The following OR2T11 variants were observed in gnomAD, a reference collection of about 807,000 sequenced individuals.
OR2T11 encodes olfactory receptor family 2 subfamily T member 11, also known as olfactory receptor 2T11.
A neutral mutation model predicts 13.5 loss-of-function variants in OR2T11; 14 were observed. That is an observed-to-expected ratio of 1.04 (90% CI 0.69 to 1.62). OR2T11 has a LOEUF of 1.62. Among genes scored for constraint, OR2T11 ranks in the 40% most tolerant of loss-of-function variants. The pLI is 0.00. For synonymous variants in OR2T11, 163 were observed against 154.6 expected, an observed-to-expected ratio of 1.05 and a Z score of -0.40; for missense variants, 410 against 389.7, an observed-to-expected ratio of 1.05 and a Z score of -0.44.
At chr1:248,627,842 ACT>A (rs1193438184) in intron 1 of OR2T11, among the ~76,000 whole-genome samples, 1 of 142,364 alleles carries the variant, frequency 7.0e-6, no homozygotes, top group Non-Finnish European at 1.5e-5. Flanking sequence ...CTATTATTCC[ACT>A]GTTTATGTCT....
chr1:248,630,058 G>A lies in OR2T11; in HGVS notation c.-144-2786C>T, dbSNP rs1452152130. The stretch of plus-strand genomic sequence containing the variant: ...CATCTAAAGATACGACTGGCACATT[G>A]TAAATCTTTGAATAAATCATTTTTA... On this transcript the variant is annotated intron_variant, in intron 1 of 1. Transcript: ENST00000641193. 2.8e-5 allele frequency among the ~76,000 whole-genome samples: 4 copies of A among 142,698 alleles called. 1 individual carries two copies. The highest frequency in any genetic ancestry group is 1.1e-4 in the African/African-American group (4 of 36,226). The allele number at this position is 142,698 out of a possible 152,430, so 93.6% of individuals were successfully genotyped here.
In OR2T11 at chr1:248,624,221, T is replaced by C. The variant is rs1391298897; in HGVS notation, c.*1957A>G. The C allele has an allele frequency of 7.0e-6, 1 of 143,342 alleles. No homozygotes were observed. The highest frequency in any genetic ancestry group is 2.8e-5 in the African/African-American group (1 of 36,360). 8.9% of individuals were successfully genotyped at this position (143,342 alleles called of 1,614,324 possible). ...TTTGTACTGAATTATTCCTTTGAAC[T>C]TCATACTCAATATCACATGACAGCA... On this transcript the variant is annotated 3_prime_UTR_variant, in exon 2 of 2. Transcript: ENST00000641193.
Position 248,632,097 on chromosome 1 carries a change from A to G in OR2T11, c.-145+2941T>C, listed in dbSNP as rs562100020. 4.8e-4 allele frequency among the ~76,000 whole-genome samples: 69 copies of G among 143,636 alleles called. 13 individuals are homozygous for G. The highest frequency in any genetic ancestry group is 1.8e-3 in the African/African-American group (67 of 36,748). The allele number at this position is 143,636 out of a possible 152,430, so 94.2% of individuals were successfully genotyped here. On this transcript the variant is annotated intron_variant, in intron 1 of 1. Transcript: ENST00000641193. ...ACAAATCATATGAATGTGTTATCAC[A>G]TGTACCCTAAGAAAAAGAAAAACAG...
In OR2T11 at chr1:248,633,866, T is replaced by C. The variant is rs528060208; in HGVS notation, c.-145+1172A>G. On this transcript the variant is annotated intron_variant, in intron 1 of 1. Coordinates refer to ENST00000641193, the MANE Select transcript of OR2T11 (RefSeq NM_001001964.2). ...CTAATGGGACTTACCTCCTGTTTGC[T>C]TCAAAGAAGGACTATATGAAGAATC... 3.0e-4 allele frequency among the ~76,000 whole-genome samples: 43 copies of C among 144,260 alleles called. 6 individuals are homozygous for C. In the South Asian group the frequency reaches 9.1e-3, roughly 31 times the overall value. 94.6% of individuals were successfully genotyped at this position (144,260 alleles called of 152,430 possible).
At position 248,629,663 on chromosome 1, in the gene OR2T11, A is replaced by G. The variant is rs1400874661; in HGVS notation, c.-144-2391T>C. ...CAGTTGTGCTTTACATCATACATTAAGGCCCATCACGTTCTGAACATTTTG... is the reference window on the plus strand; with the variant it reads ...CAGTTGTGCTTTACATCATACATTAGGGCCCATCACGTTCTGAACATTTTG... On this transcript the variant is annotated intron_variant, in intron 1 of 1. Coordinates refer to ENST00000641193, the MANE Select transcript of OR2T11 (RefSeq NM_001001964.2). Among the ~76,000 whole-genome samples, 3 of 138,838 alleles carry G rather than the reference A, an allele frequency of 2.2e-5. 1 individual carries two copies. The highest frequency in any genetic ancestry group is 8.8e-5 in the African/African-American group (3 of 34,268). 91.1% of individuals were successfully genotyped at this position (138,838 alleles called of 152,430 possible).
intron 1 of OR2T11, among the ~76,000 whole-genome samples, chr1:248,629,235 T>C (rs1357372949): frequency 7.1e-6 from 1 of 141,268 alleles, no homozygotes; most frequent in Admixed American, 6.9e-5. Context: ...AGCTCGTCTT[T>C]ATAAAAAACT....
At position 248,629,162 on chromosome 1, in the gene OR2T11, T is replaced by A. The variant is rs1389621814; in HGVS notation, c.-144-1890A>T. The stretch of plus-strand genomic sequence containing the variant: ...TGGTTCATGCCTGTAACCCCAGCAC[T>A]TAGGGAGGCCAGGGCGGAAGGATCA... On this transcript the variant is annotated intron_variant, in intron 1 of 1. Coordinates refer to ENST00000641193, the MANE Select transcript of OR2T11 (RefSeq NM_001001964.2). 3.5e-5 allele frequency among the ~76,000 whole-genome samples: 5 copies of A among 142,394 alleles called. 2 individuals are homozygous for A. In the East Asian group the frequency reaches 1.0e-3, roughly 29 times the overall value. 93.4% of individuals were successfully genotyped at this position (142,394 alleles called of 152,430 possible). A position where few individuals can be genotyped will look rare whatever the true frequency, so the allele number is the denominator to read the frequency against.
chr1:248,629,717 AGTCT>A (rs1186768510), intron 1 of OR2T11, among the ~76,000 whole-genome samples: 2 of 141,076 alleles, frequency 1.4e-5, no homozygotes, highest in Admixed American at 6.9e-5. Flanking sequence ...CGCCGACTCC[AGTCT>A]GTCTGTCCCT....
intron 1 of OR2T11, among the ~76,000 whole-genome samples, chr1:248,631,728 T>C (rs1256719114): frequency 7.0e-6 from 1 of 143,132 alleles, no homozygotes; most frequent in Non-Finnish European, 1.5e-5. Context: ...TGCCTGCAGG[T>C]GTCTGGCTTT....
Position 248,625,875 on chromosome 1 carries a change from G to A in OR2T11, c.*303C>T. Reference sequence around the variant, plus strand: ...TTTAAACATGAACAAATGTTGTGAAGGAGATCTAGTTCAGAGTGAAAGGTT... The same window carrying A: ...TTTAAACATGAACAAATGTTGTGAAAGAGATCTAGTTCAGAGTGAAAGGTT... On this transcript the variant is annotated 3_prime_UTR_variant, in exon 2 of 2. Transcript: ENST00000641193. 1 of 211,520 alleles carries A rather than the reference G, an allele frequency of 4.7e-6. No individual in the cohort carries two copies. Among genetic ancestry groups the A allele is most frequent in the Non-Finnish European group, 9.1e-6 (1 of 109,744 alleles). The allele number at this position is 211,520 out of a possible 1,614,324, so 13.1% of individuals were successfully genotyped here.
At chr1:248,627,398 ACTGCG>A in intron 1 of OR2T11, 126 bp from the exon 2 acceptor site, 1 of 440,910 alleles carries the variant, frequency 2.3e-6, no homozygotes, top group Non-Finnish European at 4.0e-6. Context: ...GGTTATGGTA[ACTGCG>A]TGATACAATT....
intron 1 of OR2T11, among the ~76,000 whole-genome samples, chr1:248,629,595 G>A (rs1323496438): frequency 7.2e-6 from 1 of 138,226 alleles, no homozygotes; most frequent in Non-Finnish European, 1.5e-5. Flanking sequence ...AGTCACATCG[G>A]GACCCGTGCA....
At chr1:248,633,983 G>A (rs1350391131) in intron 1 of OR2T11, among the ~76,000 whole-genome samples, 1 of 38,706 alleles carries the variant, frequency 2.6e-5, no homozygotes, top group Non-Finnish European at 7.3e-5. Flanking sequence ...AATTTAAGTA[G>A]TTTTTTGGTG....
At position 248,633,314 on chromosome 1, in the gene OR2T11, T is replaced by TA. The variant is rs1423946472; in HGVS notation, c.-145+1723dup. Among the ~76,000 whole-genome samples the TA allele has an allele frequency of 9.8e-4, 139 of 142,410 alleles. 16 individuals are homozygous for TA. Among genetic ancestry groups the TA allele is most frequent in the African/African-American group, 3.6e-3 (129 of 36,086 alleles). The allele number at this position is 142,410 out of a possible 152,430, so 93.4% of individuals were successfully genotyped here. ...TCCTATAGCAGGTTCATTGTATTCTTAAGTGAAAAGGTGGCATATTTTCAA... is the reference window on the plus strand; with the variant it reads ...TCCTATAGCAGGTTCATTGTATTCTTAAAGTGAAAAGGTGGCATATTTTCAA... On this transcript the variant is annotated intron_variant, in intron 1 of 1. Coordinates refer to ENST00000641193, the MANE Select transcript of OR2T11 (RefSeq NM_001001964.2).
chr1:248,627,395 G>C (rs1466332011), intron 1 of OR2T11, 123 bp from the exon 2 acceptor site: 5 of 448,780 alleles, frequency 1.1e-5, no homozygotes, highest in Non-Finnish European at 2.0e-5. Flanking sequence ...GGAGGTTATG[G>C]TAACTGCGTG....
At chr1:248,634,259 A>G (rs1451913951) in intron 1 of OR2T11, among the ~76,000 whole-genome samples, 3 of 142,780 alleles carry the variant, frequency 2.1e-5, no homozygotes. Context: ...GTTTTTAGGT[A>G]TGTGATGATT....
rs763338926 is a variant in OR2T11 at position 248,633,810 on chromosome 1, A to T, written c.-145+1228T>A. Among the ~76,000 whole-genome samples the T allele has an allele frequency of 1.0e-4, 15 of 143,938 alleles. 3 individuals carry two copies. The highest frequency in any genetic ancestry group is 2.0e-4 in the Admixed American group (3 of 14,798). 94.4% of individuals were successfully genotyped at this position (143,938 alleles called of 152,430 possible). ...GCATTTAAATTTTCAGTCATGAAAG[A>T]GTTTTCTGCTTCCACCCTTGAGAAA... On this transcript the variant is annotated intron_variant, in intron 1 of 1. Transcript: ENST00000641193.
Position 248,626,094 on chromosome 1 carries a change from T to G in OR2T11, c.*84A>C. 1 of 763,412 alleles carries G rather than the reference T, an allele frequency of 1.3e-6. No homozygotes were observed. The highest frequency in any genetic ancestry group is 2.2e-6 in the Non-Finnish European group (1 of 452,732). The allele number at this position is 763,412 out of a possible 1,614,324, so 47.3% of individuals were successfully genotyped here. A position where few individuals can be genotyped will look rare whatever the true frequency, so the allele number is the denominator to read the frequency against. ...CTTAACTGCCAGTAGTAAGTGTAGG[T>G]TGATAGCTGAGCAGATCATCTCCAG... On this transcript the variant is annotated 3_prime_UTR_variant, in exon 2 of 2. Coordinates refer to ENST00000641193, the MANE Select transcript of OR2T11 (RefSeq NM_001001964.2).
In OR2T11 at chr1:248,626,756, TAC is replaced by T. The variant is rs781645874; in HGVS notation, c.371_372del (p.Cys124Ter). The stretch of plus-strand genomic sequence containing the variant: ...ATCAGGACTGGGTATCTCAGAGGGT[TAC>T]AGACAGCCACGTAGCAGTCATAGGC... ...LMAYDCYVAVCNPLRYPVLMN... is the reference protein window; with the variant it reads ...LMAYDCYVAVXNPLRYPVLMN... On this transcript the variant is annotated frameshift_variant, in exon 2 of 2. Transcript: ENST00000641193. LOFTEE classifies it high-confidence loss of function. The T allele has an allele frequency of 1.6e-5, 25 of 1,572,206 alleles. 3 individuals carry two copies. In the South Asian group the frequency reaches 2.4e-4, roughly 15 times the overall value.
Sources: allele counts gnomAD v4.1 joint callset (sites outside exome capture counted in the v4.1 genomes callset), GRCh38; gene constraint gnomAD v4.1.1; transcripts MANE v1.5; gene names NCBI Gene and HGNC (gene_info 2026-07-23, HGNC 2026-07-21).